The following TMEM132D variants were observed in gnomAD, a reference collection of about 807,000 sequenced individuals.
TMEM132D encodes transmembrane protein 132D.
Under a neutral mutation model 62.3 loss-of-function variants are expected in TMEM132D, and 21 were observed. That is an observed-to-expected ratio of 0.34 (90% CI 0.24 to 0.49). The LOEUF is 0.49. Ranked by LOEUF, TMEM132D falls within the 20% of genes least tolerant of loss-of-function variation. The pLI is 0.99. For missense variants in TMEM132D, 1,346 were observed against 1,402.8 expected, an observed-to-expected ratio of 0.96 and a Z score of 0.65; for synonymous variants, 621 against 575.6, an observed-to-expected ratio of 1.08 and a Z score of -1.13.
rs369530624 is a variant in TMEM132D, at chr12:129,400,845, G to C, written c.1116-63028C>G. Among the ~76,000 whole-genome samples the C allele has an allele frequency of 9.2e-5, 14 of 152,296 alleles. No homozygotes were observed. The East Asian group carries it at 1.9e-3, about 21-fold the overall frequency. Reference sequence around the variant, plus strand: ...GTGGGAAAGCAACCAATATCTTGGTGTGAAAAATGTGAGTCATATCACGTT... The same window carrying C: ...GTGGGAAAGCAACCAATATCTTGGTCTGAAAAATGTGAGTCATATCACGTT... On this transcript the variant is annotated intron_variant, in intron 3 of 8. Transcript: ENST00000422113.
intron 5 of TMEM132D, among the ~76,000 whole-genome samples, chr12:129,122,183 G>C: frequency 6.6e-6 from 1 of 152,196 alleles, no homozygotes; most frequent in East Asian, 1.9e-4. Context: ...TAGCATGTGG[G>C]CCACACGGCC....
At chr12:129,619,798 G>A (rs1048546215) in intron 2 of TMEM132D, among the ~76,000 whole-genome samples, 7 of 152,140 alleles carry the variant, frequency 4.6e-5, no homozygotes, top group East Asian at 3.9e-4. Context: ...GACTCACACC[G>A]AATTTCAGTA....
At chr12:129,656,819 A>G (rs995130881) in intron 2 of TMEM132D, among the ~76,000 whole-genome samples, 1 of 152,192 alleles carries the variant, frequency 6.6e-6, no homozygotes, top group South Asian at 2.1e-4. Flanking sequence ...ATTTTACTAA[A>G]AAAATGTGGT....
At chr12:129,299,985 C>T (rs118116972) in intron 4 of TMEM132D, among the ~76,000 whole-genome samples, 1 of 152,262 alleles carries the variant, frequency 6.6e-6, no homozygotes, top group East Asian at 1.9e-4. Context: ...ATCTTTGGTG[C>T]TTAAAAGGTT....
intron 5 of TMEM132D, among the ~76,000 whole-genome samples, chr12:129,102,762 A>G (rs900746532): frequency 2.0e-5 from 3 of 152,212 alleles, no homozygotes; most frequent in Non-Finnish European, 2.9e-5. Flanking sequence ...ATCATAAAAT[A>G]TTCTCGACCC....
intron 2 of TMEM132D, among the ~76,000 whole-genome samples, chr12:129,560,120 T>C (rs1877173815): frequency 6.6e-6 from 1 of 152,232 alleles, no homozygotes; most frequent in East Asian, 1.9e-4. Flanking sequence ...TGTAGATTTC[T>C]AGGAGTGGGC....
At chr12:129,260,380 G>T (rs1880520526) in intron 4 of TMEM132D, among the ~76,000 whole-genome samples, 1 of 152,202 alleles carries the variant, frequency 6.6e-6, no homozygotes, top group Non-Finnish European at 1.5e-5. Flanking sequence ...TCAATCAAGT[G>T]GCTGGGGTGA....
intron 2 of TMEM132D, among the ~76,000 whole-genome samples, chr12:129,664,421 A>AT (rs34308998): frequency 0.19 from 22,100 of 113,816 alleles, 2,965 homozygotes; most frequent in Admixed American, 0.26. Context: ...AATTACAAGA[A>AT]TTTTTTTTTT....
At chr12:129,146,186 C>T (rs955179527) in intron 5 of TMEM132D, among the ~76,000 whole-genome samples, 4 of 152,018 alleles carry the variant, frequency 2.6e-5, no homozygotes, top group Admixed American at 1.3e-4. Context: ...CTCTCCAGAA[C>T]GTATTAGTCC....
At chr12:129,097,455 A>C (rs1273223879) in intron 5 of TMEM132D, among the ~76,000 whole-genome samples, 1 of 152,242 alleles carries the variant, frequency 6.6e-6, no homozygotes, top group African/African-American at 2.4e-5. Context: ...ATGAACATTT[A>C]CATCGCCTAT....
chr12:129,736,735 A>G (rs1294565611), intron 1 of TMEM132D, among the ~76,000 whole-genome samples: 1 of 152,198 alleles, frequency 6.6e-6, no homozygotes, highest in Non-Finnish European at 1.5e-5. Context: ...TAAGAGAGAA[A>G]GACAATCTTA....
At chr12:129,405,181 G>C (rs1282267415) in intron 3 of TMEM132D, among the ~76,000 whole-genome samples, 1 of 152,190 alleles carries the variant, frequency 6.6e-6, no homozygotes, top group Non-Finnish European at 1.5e-5. Flanking sequence ...CTAGAAGCCT[G>C]AGATCAAGGT....
chr12:129,258,005 C>G (rs1308548275), intron 4 of TMEM132D, among the ~76,000 whole-genome samples: 2 of 152,178 alleles, frequency 1.3e-5, no homozygotes, highest in East Asian at 1.9e-4. Context: ...TTATCTATCT[C>G]TTGCAACTAA....
intron 1 of TMEM132D, among the ~76,000 whole-genome samples, chr12:129,860,479 C>T (rs753815223): frequency 6.6e-6 from 1 of 152,202 alleles, no homozygotes; most frequent in Non-Finnish European, 1.5e-5. Flanking sequence ...TGTTCTATTG[C>T]CCCAGGGCAT....
At chr12:129,722,701 C>G (rs914078188) in intron 1 of TMEM132D, among the ~76,000 whole-genome samples, 1 of 151,174 alleles carries the variant, frequency 6.6e-6, no homozygotes, top group Non-Finnish European at 1.5e-5. Flanking sequence ...TGACCATATT[C>G]CTGGTTGTTT....
At chr12:129,424,999 T>C (rs993666365) in intron 3 of TMEM132D, among the ~76,000 whole-genome samples, 5 of 152,172 alleles carry the variant, frequency 3.3e-5, no homozygotes, top group African/African-American at 9.7e-5. Flanking sequence ...TCTGTCTCTA[T>C]AGATGTGTCT....
chr12:129,712,852 G>C (rs1262988964), intron 1 of TMEM132D, among the ~76,000 whole-genome samples: 1 of 152,090 alleles, frequency 6.6e-6, no homozygotes, highest in Non-Finnish European at 1.5e-5. Flanking sequence ...CAGCCAGAAG[G>C]AACGTCTCAG....
intron 2 of TMEM132D, among the ~76,000 whole-genome samples, chr12:129,618,378 C>T (rs897420536): frequency 6.6e-6 from 1 of 152,174 alleles, no homozygotes; most frequent in Non-Finnish European, 1.5e-5. Flanking sequence ...GCAATTGGAA[C>T]CCTATTCTCT....
intron 3 of TMEM132D, among the ~76,000 whole-genome samples, chr12:129,427,566 G>T (rs1040900015): frequency 6.6e-6 from 1 of 151,996 alleles, no homozygotes; most frequent in African/African-American, 2.4e-5. Context: ...TAAAAATAAA[G>T]AAATAAATAA....
Sources: gnomAD v4.1 joint callset for allele counts (sites outside exome capture counted in the v4.1 genomes callset) on GRCh38, gnomAD v4.1.1 for gene constraint, MANE v1.5 for transcripts, NCBI Gene and HGNC (gene_info 2026-07-23, HGNC 2026-07-21) for gene names.